CELF4: variants seen among roughly 807,000 people sequenced by gnomAD.
CELF4 encodes CUG-BP- and ETR-3-like factor 4.
In CELF4, 18 loss-of-function variants were observed where a neutral mutation model predicts 59.9. The ratio of observed to expected loss-of-function variants is 0.30; its 90% confidence interval spans 0.21 to 0.45. The LOEUF (loss-of-function observed/expected upper bound fraction) is 0.45. Ranked by LOEUF, CELF4 falls within the 20% of genes least tolerant of loss-of-function variation. The pLI is 1.00. For missense variants in CELF4, 456 were observed against 689.0 expected (o/e 0.66, Z 3.79); for synonymous variants, 261 against 267.1 (o/e 0.98, Z 0.22).
At chr18:37,376,773 T>C (rs2098974654) in intron 2 of CELF4, among the ~76,000 whole-genome samples, 1 of 152,214 alleles carries the variant, frequency 6.6e-6, no homozygotes, top group Admixed American at 6.5e-5. Flanking sequence ...GGTCCTGTTT[T>C]CCTCTGGCCT....
intron 2 of CELF4, among the ~76,000 whole-genome samples, chr18:37,364,974 T>G (rs2098757149): frequency 6.6e-6 from 1 of 151,702 alleles, no homozygotes; most frequent in African/African-American, 2.4e-5. Context: ...TTACAAGAAG[T>G]CTCCTGGGGT....
chr18:37,317,116 G>A (rs1054881572), intron 3 of CELF4, among the ~76,000 whole-genome samples: 5 of 152,338 alleles, frequency 3.3e-5, no homozygotes, highest in Middle Eastern at 3.4e-3. Flanking sequence ...GCCGGGCGCG[G>A]TGGCTTATGC....
intron 3 of CELF4, among the ~76,000 whole-genome samples, chr18:37,301,441 C>T (rs532201763): frequency 2.3e-4 from 35 of 152,298 alleles, no homozygotes; most frequent in Admixed American, 5.2e-4. Flanking sequence ...GCTGCCTCCC[C>T]GCAGCCCCAG....
chr18:37,467,840 A>G (rs1017786157), intron 2 of CELF4, among the ~76,000 whole-genome samples: 2 of 152,190 alleles, frequency 1.3e-5, no homozygotes, highest in African/African-American at 4.8e-5. Flanking sequence ...AAGTGTGTGT[A>G]CCTGTGTGTT....
Position 37,245,848 on chromosome 18 carries a change from TACAC to T in CELF4, c.*45-655_*45-652del, listed in dbSNP as rs2063286235. On this transcript the variant is annotated intron_variant, in intron 12 of 12. Coordinates refer to ENST00000420428, the MANE Select transcript of CELF4 (RefSeq NM_020180.4). This position sits in a 1 kb window ranked among gnomAD's most constrained non-coding sequence, Gnocchi z 4.1. ...GTATGTATATGCATATATACACACATACACACACATAATACTTTTCTCATACATG... is the reference window on the plus strand; with the variant it reads ...GTATGTATATGCATATATACACACATACACATAATACTTTTCTCATACATG... Among the ~76,000 whole-genome samples, 1 of 152,212 alleles carries T rather than the reference TACAC, an allele frequency of 6.6e-6. No homozygotes were observed. Among genetic ancestry groups the T allele is most frequent in the Non-Finnish European group, 1.5e-5 (1 of 68,044 alleles).
rs78529664 is a variant in CELF4, at chr18:37,318,458, C to A, written c.448+3345G>T. On this transcript the variant is annotated intron_variant, in intron 3 of 12. Transcript: ENST00000420428. ...TCTTCTAAAATGTTCACTTCTCCCC[C>A]CTTCCCCTTCTCCCCAGAAGTATTT... Among the ~76,000 whole-genome samples, 245 of 152,044 alleles carry A rather than the reference C, an allele frequency of 1.6e-3. 5 individuals are homozygous for A. The East Asian group carries it at 0.041, about 25-fold the overall frequency.
intron 2 of CELF4, among the ~76,000 whole-genome samples, chr18:37,447,637 CT>C (rs1307381331): frequency 1.3e-5 from 2 of 152,354 alleles, no homozygotes; most frequent in East Asian, 3.9e-4. Context: ...TCAGAGCCCT[CT>C]TTGCAGGTCA....
intron 6 of CELF4, chr18:37,273,452 C>T: frequency 8.8e-7 from 1 of 1,138,806 alleles, no homozygotes; most frequent in Non-Finnish European, 1.1e-6. Context: ...TGCTAGTCAG[C>T]CCTGTGTACA....
intron 2 of CELF4, among the ~76,000 whole-genome samples, chr18:37,461,073 A>G (rs1305048604): frequency 6.6e-6 from 1 of 152,204 alleles, no homozygotes; most frequent in Non-Finnish European, 1.5e-5. Context: ...CCTGCTGTCT[A>G]TTGCATGCCT....
intron 1 of CELF4, among the ~76,000 whole-genome samples, chr18:37,521,176 G>T (rs2099956981): frequency 6.6e-6 from 1 of 152,098 alleles, no homozygotes; most frequent in Non-Finnish European, 1.5e-5. Context: ...CTCTCTCTCT[G>T]GGCCTTCGTT....
intron 1 of CELF4, among the ~76,000 whole-genome samples, chr18:37,527,112 C>A (rs916439642): frequency 3.3e-5 from 5 of 152,022 alleles, no homozygotes; most frequent in African/African-American, 1.2e-4. Context: ...GCCCCCATCC[C>A]CTTTGCAAGA....
chr18:37,527,540 G>A (rs979635224), intron 1 of CELF4, among the ~76,000 whole-genome samples: 6 of 152,084 alleles, frequency 3.9e-5, no homozygotes, highest in African/African-American at 1.4e-4. Context: ...TAGTGAAGCT[G>A]CTGGGACAAG....
chr18:37,290,774 G>A (rs1270889827), intron 3 of CELF4, among the ~76,000 whole-genome samples: 2 of 152,096 alleles, frequency 1.3e-5, no homozygotes, highest in Non-Finnish European at 2.9e-5. Flanking sequence ...AATAACCAAG[G>A]GAGTGAAAAT....
intron 3 of CELF4, among the ~76,000 whole-genome samples, chr18:37,293,299 TG>T (rs1432370848): frequency 2.0e-5 from 3 of 152,196 alleles, no homozygotes; most frequent in African/African-American, 7.2e-5. Context: ...AAGTCTCCAG[TG>T]GGGTTCTTTC....
intron 2 of CELF4, among the ~76,000 whole-genome samples, chr18:37,398,859 G>C (rs752425096): frequency 6.6e-6 from 1 of 152,180 alleles, no homozygotes; most frequent in Admixed American, 6.5e-5. Flanking sequence ...GTAAGATGGA[G>C]GTGGCTACAT....
chr18:37,319,490 C>T (rs375251778), intron 3 of CELF4, among the ~76,000 whole-genome samples: 1 of 152,148 alleles, frequency 6.6e-6, no homozygotes, highest in Admixed American at 6.5e-5. Flanking sequence ...ATCTGAGGTC[C>T]GGGTTGGGAG....
intron 1 of CELF4, among the ~76,000 whole-genome samples, chr18:37,511,217 T>A (rs1603643062): frequency 6.6e-6 from 1 of 152,200 alleles, no homozygotes; most frequent in Admixed American, 6.5e-5. Flanking sequence ...CACTCACCCA[T>A]CCTGCCACAG....
chr18:37,443,666 A>G (rs1300861918), intron 2 of CELF4, among the ~76,000 whole-genome samples: 1 of 151,962 alleles, frequency 6.6e-6, no homozygotes, highest in Admixed American at 6.5e-5. Flanking sequence ...CCACATCTTC[A>G]TTGGTATGAA....
At chr18:37,527,951 A>G (rs2099965676) in intron 1 of CELF4, among the ~76,000 whole-genome samples, 1 of 152,206 alleles carries the variant, frequency 6.6e-6, no homozygotes, top group African/African-American at 2.4e-5. Context: ...CTTTTAGGCT[A>G]GGAGAACTCA....
Sources: gnomAD v4.1 joint callset for allele counts (sites outside exome capture counted in the v4.1 genomes callset) on GRCh38, gnomAD v4.1.1 for gene constraint, Gnocchi (gnomAD v3.1) non-coding constraint, MANE v1.5 for transcripts, NCBI Gene and HGNC (gene_info 2026-07-23, HGNC 2026-07-21) for gene names.